GLG1: variants seen among roughly 807,000 people sequenced by gnomAD.
The protein encoded by GLG1 is Golgi apparatus protein 1.
A neutral mutation model predicts 160.5 loss-of-function variants in GLG1; 38 were observed. The observed-to-expected ratio is 0.24, with a 90% CI of 0.18 to 0.31. The LOEUF is 0.31. GLG1 is among the 10% of genes least tolerant of loss of function. The pLI, the probability that GLG1 is intolerant of heterozygous loss-of-function variation, is 1.00. For missense variants in GLG1, 1,373 were observed against 1,505.2 expected (o/e 0.91, Z 1.45); for synonymous variants, 644 against 543.4 (o/e 1.19, Z -2.57).
chr16:74,492,691 C>A (rs888614315), intron 7 of GLG1, among the ~76,000 whole-genome samples: 7 of 151,902 alleles, frequency 4.6e-5, no homozygotes, highest in African/African-American at 1.7e-4. Context: ...CAGTGGCACT[C>A]GCCTGTAATC....
At chr16:74,567,294 A>T (rs1297342936) in intron 1 of GLG1, among the ~76,000 whole-genome samples, 1 of 152,056 alleles carries the variant, frequency 6.6e-6, no homozygotes, top group African/African-American at 2.4e-5. Context: ...AGTTAAGTTC[A>T]ATTACCAATG....
Position 74,606,664 on chromosome 16 carries a change from A to G in GLG1, c.431T>C (p.Val144Ala), listed in dbSNP as rs752956876. 6.4e-7 allele frequency: 1 copy of G among 1,569,514 alleles called. No individual in the cohort carries two copies. Among genetic ancestry groups the G allele is most frequent in the Non-Finnish European group, 8.7e-7 (1 of 1,153,344 alleles). Residue 144 changes from valine to alanine, a missense_variant, in exon 1 of 26, where the codon GTG (valine) becomes GCG (alanine). Physicochemically the swap from Val to Ala is moderately conservative, Grantham distance 64. Around this residue, in one of 4 missense-constraint regions of GLG1, gnomAD observed 322 missense variants for 254.6 expected, o/e 1.26. Transcript: ENST00000422840. The stretch of plus-strand genomic sequence containing the variant: ...TTCGTCCCACCTCCTCACCTCCCTC[A>G]CATCCTGCAGGCACTCGAGCACCGC... ...NLAVLECLQD[V>A]REPENEISSD... is the part of the protein sequence containing the mutation.
chr16:74,554,290 T>C (rs2018290467), intron 1 of GLG1, among the ~76,000 whole-genome samples: 1 of 152,220 alleles, frequency 6.6e-6, no homozygotes, highest in Non-Finnish European at 1.5e-5. Flanking sequence ...TCTCAGAACT[T>C]TGCGGGGCCG....
chr16:74,527,689 G>A (rs567970280), intron 2 of GLG1, among the ~76,000 whole-genome samples: 2 of 152,090 alleles, frequency 1.3e-5, no homozygotes, highest in Non-Finnish European at 2.9e-5. Flanking sequence ...GTGCAAATGT[G>A]GGAGATGAAT....
intron 2 of GLG1, among the ~76,000 whole-genome samples, chr16:74,515,850 G>A (rs1211866499): frequency 6.6e-6 from 1 of 151,438 alleles, no homozygotes; most frequent in East Asian, 1.9e-4. Context: ...AGGGATGGAG[G>A]AAGATCTACC....
chr16:74,501,481 C>G (rs115288099), intron 4 of GLG1, among the ~76,000 whole-genome samples: 1,850 of 152,278 alleles, frequency 0.012, 35 homozygotes, highest in African/African-American at 0.043. Context: ...CCTTTTGGCT[C>G]CAGCAGTACT....
At chr16:74,509,625 G>A (rs1228157234) in intron 2 of GLG1, among the ~76,000 whole-genome samples, 7 of 151,824 alleles carry the variant, frequency 4.6e-5, no homozygotes, top group East Asian at 3.9e-4. Flanking sequence ...AGAGGCGGGC[G>A]GATCACGAGG....
chr16:74,546,837 CAAAAAAAAAAA>C (rs71376218), intron 1 of GLG1, among the ~76,000 whole-genome samples: 1 of 59,704 alleles, frequency 1.7e-5, no homozygotes, highest in East Asian at 8.3e-4. Context: ...GACTCCATCT[CAAAAAAAAAAA>C]AAAAAAAAGG....
chr16:74,528,283 G>A (rs1223383956), intron 2 of GLG1, among the ~76,000 whole-genome samples: 3 of 152,038 alleles, frequency 2.0e-5, no homozygotes, highest in Non-Finnish European at 1.5e-5. Flanking sequence ...TTACAGGGGT[G>A]AGCCACGGTG....
chr16:74,576,833 G>C (rs1034515378), intron 1 of GLG1, among the ~76,000 whole-genome samples: 1 of 152,006 alleles, frequency 6.6e-6, no homozygotes, highest in African/African-American at 2.4e-5. Context: ...ACTCATGAAT[G>C]AGATACTGAA....
chr16:74,485,132 C>T (rs1439054096), intron 9 of GLG1, among the ~76,000 whole-genome samples: 5 of 152,180 alleles, frequency 3.3e-5, no homozygotes, highest in Non-Finnish European at 7.3e-5. Context: ...GTTTCAAACT[C>T]GTAGCTTCAA....
At chr16:74,531,070 A>G (rs2868035) in intron 2 of GLG1, among the ~76,000 whole-genome samples, 102,167 of 152,072 alleles carry the variant, frequency 0.67, 34,518 homozygotes, top group East Asian at 0.81. Flanking sequence ...ATGCAGATAT[A>G]TATTTTTAAA....
At chr16:74,485,190 A>T (rs973909716) in intron 9 of GLG1, among the ~76,000 whole-genome samples, 2 of 152,222 alleles carry the variant, frequency 1.3e-5, no homozygotes, top group Non-Finnish European at 2.9e-5. Flanking sequence ...TACAGGCATG[A>T]GCTACTGCAT....
At chr16:74,585,629 A>C (rs547346980) in intron 1 of GLG1, among the ~76,000 whole-genome samples, 14 of 151,184 alleles carry the variant, frequency 9.3e-5, no homozygotes, top group Non-Finnish European at 1.6e-4. Context: ...AATGGCGTGA[A>C]CTCAGGAGGC....
intron 1 of GLG1, among the ~76,000 whole-genome samples, chr16:74,557,174 C>T (rs921065194): frequency 6.6e-6 from 1 of 152,066 alleles, no homozygotes; most frequent in Non-Finnish European, 1.5e-5. Flanking sequence ...TAGAAGAAAC[C>T]CAGGACCTTT....
chr16:74,454,211 C>CT (rs907448964), intron 25 of GLG1, among the ~76,000 whole-genome samples: 1 of 151,402 alleles, frequency 6.6e-6, no homozygotes, highest in Non-Finnish European at 1.5e-5. Flanking sequence ...TATATTTTGG[C>CT]TTTTTTTTCA....
intron 11 of GLG1, among the ~76,000 whole-genome samples, chr16:74,479,032 C>A (rs1217552959): frequency 1.2e-5 from 1 of 86,414 alleles, no homozygotes; most frequent in Non-Finnish European, 2.2e-5. Flanking sequence ...ATGGAGAAAC[C>A]CCGTCTCTAT....
At chr16:74,597,751 G>A (rs963619501) in intron 1 of GLG1, among the ~76,000 whole-genome samples, 1 of 151,870 alleles carries the variant, frequency 6.6e-6, no homozygotes, top group Admixed American at 6.6e-5. Context: ...CTACTCGGGA[G>A]GCTGAAGCAG....
chr16:74,509,256 T>A (rs2016722505), intron 2 of GLG1, among the ~76,000 whole-genome samples: 1 of 138,622 alleles, frequency 7.2e-6, no homozygotes, highest in South Asian at 2.4e-4. Context: ...CACTGCAACC[T>A]CCACCTCTCG....
Sources: allele counts gnomAD v4.1 joint callset (sites outside exome capture counted in the v4.1 genomes callset), GRCh38; gene constraint gnomAD v4.1.1; regional missense constraint gnomAD v4.1.1; transcripts MANE v1.5; gene names NCBI Gene and HGNC (gene_info 2026-07-23, HGNC 2026-07-21).